PLPP1: variants seen among roughly 807,000 people sequenced by gnomAD.
PLPP1 encodes lipid phosphate phosphohydrolase 1a.
PLPP1 carries 24 observed loss-of-function variants against 31.2 expected under a neutral mutation model. That is an observed-to-expected ratio of 0.77 (90% CI 0.56 to 1.08). The LOEUF is 1.08. PLPP1 is among the 50% of genes least tolerant of loss of function. The pLI, the probability that PLPP1 is intolerant of heterozygous loss-of-function variation, is 0.00. For synonymous variants in PLPP1, 146 were observed against 126.3 expected (o/e 1.16, Z -1.05); for missense variants, 319 against 342.7 (o/e 0.93, Z 0.55).
intron 1 of PLPP1, among the ~76,000 whole-genome samples, chr5:55,521,860 C>A (rs1173428560): frequency 6.6e-6 from 1 of 152,132 alleles, no homozygotes; most frequent in East Asian, 1.9e-4. Flanking sequence ...TCATGTGAAA[C>A]ATTTACCAAA....
At chr5:55,508,088 C>T (rs1048593092) in intron 1 of PLPP1, among the ~76,000 whole-genome samples, 19 of 151,948 alleles carry the variant, frequency 1.3e-4, no homozygotes. Flanking sequence ...AAACTCCTGG[C>T]CTCAAGCAAT....
chr5:55,430,261 G>A (rs932995157), intron 4 of PLPP1, among the ~76,000 whole-genome samples: 2 of 152,174 alleles, frequency 1.3e-5, no homozygotes, highest in East Asian at 1.9e-4. Flanking sequence ...TGGCATCCAA[G>A]CAAGCTTCCT....
chr5:55,425,843 C>T lies in PLPP1; in HGVS notation c.726+20G>A. 1.3e-6 allele frequency: 2 copies of T among 1,554,154 alleles called. No individual in the cohort carries two copies. Among genetic ancestry groups the T allele is most frequent in the Non-Finnish European group, 1.7e-6 (2 of 1,152,662 alleles). On this transcript the variant is annotated intron_variant, in intron 5 of 5. Transcript: ENST00000307259. ...ATGTTTAGCAATATCAAGATGTAGG[C>T]TGTTGACCTGTATACTTACAACTAA... is the stretch of plus-strand genomic sequence containing the variant.
intron 1 of PLPP1, among the ~76,000 whole-genome samples, chr5:55,481,225 T>C (rs1752662015): frequency 6.6e-6 from 1 of 152,340 alleles, no homozygotes; most frequent in Middle Eastern, 3.4e-3. Context: ...GAAATATTGG[T>C]GCTGGGGTAT....
intron 3 of PLPP1, among the ~76,000 whole-genome samples, chr5:55,460,416 T>C (rs938258801): frequency 1.3e-4 from 20 of 152,078 alleles, no homozygotes; most frequent in African/African-American, 4.6e-4. Flanking sequence ...ATAAAATTGA[T>C]AAGTTTCTAG....
chr5:55,453,604 T>C (rs1485528575), intron 3 of PLPP1, among the ~76,000 whole-genome samples: 2 of 152,208 alleles, frequency 1.3e-5, no homozygotes, highest in Non-Finnish European at 2.9e-5. Context: ...ATAATATTCA[T>C]AATGATTAAA....
At chr5:55,492,940 G>A (rs949955685) in intron 1 of PLPP1, among the ~76,000 whole-genome samples, 1 of 152,136 alleles carries the variant, frequency 6.6e-6, no homozygotes, top group East Asian at 1.9e-4. Flanking sequence ...TAGGTTAACA[G>A]GTTAGAATAT....
chr5:55,451,221 A>G (rs1482322963), intron 3 of PLPP1, among the ~76,000 whole-genome samples: 1 of 152,210 alleles, frequency 6.6e-6, no homozygotes. Flanking sequence ...GGAGTTTGAG[A>G]TCAGCCTGGG....
chr5:55,497,461 T>C (rs1753027752), intron 1 of PLPP1, among the ~76,000 whole-genome samples: 1 of 149,886 alleles, frequency 6.7e-6, no homozygotes, highest in East Asian at 2.0e-4. Flanking sequence ...CTATGTTTCC[T>C]AGGCTGGTCT....
intron 4 of PLPP1, among the ~76,000 whole-genome samples, chr5:55,437,381 G>T (rs953434733): frequency 6.6e-6 from 1 of 151,914 alleles, no homozygotes; most frequent in South Asian, 2.1e-4. Context: ...AATAAAGTAA[G>T]AACTTTTTTT....
chr5:55,436,207 G>C (rs1751490231), intron 4 of PLPP1, among the ~76,000 whole-genome samples: 1 of 152,102 alleles, frequency 6.6e-6, no homozygotes, highest in African/African-American at 2.4e-5. Flanking sequence ...TCACTGAGAA[G>C]CACAGAGGCC....
intron 1 of PLPP1, among the ~76,000 whole-genome samples, chr5:55,490,144 C>CTTTTTTTTTTTTTTT (rs896241457): frequency 1.2e-5 from 1 of 83,396 alleles, no homozygotes; most frequent in African/African-American, 4.7e-5. Flanking sequence ...CTTTTCTTTT[C>CTTTTTTTTTTTTTTT]TTTTTTTTTT....
chr5:55,486,606 A>T (rs2111839894), intron 1 of PLPP1, among the ~76,000 whole-genome samples: 1 of 151,896 alleles, frequency 6.6e-6, no homozygotes, highest in African/African-American at 2.4e-5. Context: ...ATAAAATAAC[A>T]TAAAATATAT....
In PLPP1 at chr5:55,443,952, A is replaced by G. The variant is rs78890581; in HGVS notation, c.492-2044T>C. The stretch of plus-strand genomic sequence containing the variant: ...TGGAAATTCAAAGCATTCATATTCC[A>G]TATAAATCTAACTCTTTATCGGAGT... On this transcript the variant is annotated intron_variant, in intron 3 of 5. Coordinates refer to ENST00000307259, the MANE Select transcript of PLPP1 (RefSeq NM_003711.4). 4.0e-3 allele frequency among the ~76,000 whole-genome samples: 611 copies of G among 152,356 alleles called. 4 individuals are homozygous for G. The highest frequency in any genetic ancestry group is 0.014 in the African/African-American group (583 of 41,580).
chr5:55,427,778 G>C (rs553228412), intron 4 of PLPP1, among the ~76,000 whole-genome samples: 35 of 150,924 alleles, frequency 2.3e-4, no homozygotes, highest in Admixed American at 1.7e-3. Context: ...ACTTTTTTGG[G>C]GGGGGGGATG....
At chr5:55,431,565 T>G (rs1751349206) in intron 4 of PLPP1, among the ~76,000 whole-genome samples, 1 of 151,862 alleles carries the variant, frequency 6.6e-6, no homozygotes, top group South Asian at 2.1e-4. Flanking sequence ...ATAAAAAAAT[T>G]TCTTGAAACA....
At chr5:55,433,058 C>G (rs1751398583) in intron 4 of PLPP1, among the ~76,000 whole-genome samples, 1 of 150,352 alleles carries the variant, frequency 6.7e-6, no homozygotes, top group African/African-American at 2.5e-5. Context: ...CCTGTAATCC[C>G]AGCACTTCGG....
chr5:55,456,646 C>A (rs77046747), intron 3 of PLPP1, among the ~76,000 whole-genome samples: 1 of 152,156 alleles, frequency 6.6e-6, no homozygotes, highest in African/African-American at 2.4e-5. Context: ...AAGTATGTAT[C>A]CAGCCAAACT....
Position 55,508,698 on chromosome 5 carries a change from C to T in PLPP1, c.58+25874G>A, listed in dbSNP as rs115416785. ...CAGACACTAGCTGGTGCTAGAGGAG[C>T]TGGGTTCTGCTTCAAACTTTTAGCT... On this transcript the variant is annotated intron_variant, in intron 1 of 5. Transcript: ENST00000307259. Among the ~76,000 whole-genome samples the T allele has an allele frequency of 4.8e-3, 733 of 152,292 alleles. 5 individuals are homozygous for T. Among genetic ancestry groups the T allele is most frequent in the African/African-American group, 0.017 (707 of 41,548 alleles).
Sources: allele counts gnomAD v4.1 joint callset (sites outside exome capture counted in the v4.1 genomes callset), GRCh38; gene constraint gnomAD v4.1.1; transcripts MANE v1.5; gene names NCBI Gene and HGNC (gene_info 2026-07-23, HGNC 2026-07-21).